The following CDH4 variants were observed in gnomAD, a reference collection of about 807,000 sequenced individuals.
CDH4 encodes the protein cadherin 4.
CDH4 carries 33 observed loss-of-function variants against 86.0 expected under a neutral mutation model. That is an observed-to-expected ratio of 0.38 (90% CI 0.29 to 0.51). The LOEUF is 0.51. Among genes scored for constraint, CDH4 ranks in the 20% least tolerant of loss-of-function variants. The probability of loss-of-function intolerance (pLI) is 0.86; values close to 1 mark genes in which losing one functional copy is unlikely to be tolerated. For missense variants in CDH4, 1,114 were observed against 1,307.4 expected, an observed-to-expected ratio of 0.85 and a Z score of 2.28; for synonymous variants, 555 against 549.4, an observed-to-expected ratio of 1.01 and a Z score of -0.14.
Position 61,289,702 on chromosome 20 carries a change from C to T in CDH4, c.169+34765C>T, listed in dbSNP as rs112398065. Among the ~76,000 whole-genome samples the T allele has an allele frequency of 6.4e-4, 89 of 139,504 alleles. No homozygotes were observed. The Middle Eastern group carries it at 0.016, about 25-fold the overall frequency. 91.5% of individuals were successfully genotyped at this position (139,504 alleles called of 152,430 possible). On this transcript the variant is annotated intron_variant, in intron 2 of 15. Coordinates refer to ENST00000614565, the MANE Select transcript of CDH4 (RefSeq NM_001794.5). ...TTGCTGGGTTTATCCCCGTATCCAA[C>T]GAGACTTGCTGGGTTTATCCCCGTA...
chr20:61,837,113 A>G (rs1037008998), intron 4 of CDH4, among the ~76,000 whole-genome samples: 5 of 152,224 alleles, frequency 3.3e-5, no homozygotes, highest in Admixed American at 2.0e-4. Context: ...GGATCACTTC[A>G]GCCCAGGAGT....
chr20:61,396,685 G>A lies in CDH4; in HGVS notation c.169+141748G>A, dbSNP rs531040980. 2.6e-5 allele frequency among the ~76,000 whole-genome samples: 4 copies of A among 152,250 alleles called. No individual in the cohort carries two copies. In the East Asian group the frequency reaches 5.8e-4, roughly 22 times the overall value. ...CTCCTCCTGTCTCCAGCGTCTCCAC[G>A]TTTCTCGGCTCACAGTTCTGGGGCC... is the stretch of plus-strand genomic sequence containing the variant. On this transcript the variant is annotated intron_variant, in intron 2 of 15. Transcript: ENST00000614565.
chr20:61,722,641 C>G (rs6061767), intron 2 of CDH4, among the ~76,000 whole-genome samples: 24,009 of 151,222 alleles, frequency 0.16, 2,763 homozygotes, highest in East Asian at 0.54. Flanking sequence ...CCCCACCCCC[C>G]ACGCATGCAC....
At chr20:61,257,975 G>T (rs2084108168) in intron 2 of CDH4, among the ~76,000 whole-genome samples, 1 of 152,196 alleles carries the variant, frequency 6.6e-6, no homozygotes, top group Admixed American at 6.5e-5. Context: ...GTTCACTGGG[G>T]ATGGGGCGGA....
At chr20:61,371,989 C>T (rs2084843524) in intron 2 of CDH4, among the ~76,000 whole-genome samples, 1 of 152,212 alleles carries the variant, frequency 6.6e-6, no homozygotes, top group Non-Finnish European at 1.5e-5. Flanking sequence ...GGGCAGGCCG[C>T]TTGTGTTTGT....
Position 61,709,305 on chromosome 20 carries a change from T to C in CDH4, c.170-34258T>C, listed in dbSNP as rs2087865163. The stretch of plus-strand genomic sequence containing the variant: ...ATTTATTTATTTTCTGAGAGCGTCT[T>C]GCTCTGTTGCCCAGGCTGTAGTGCA... On this transcript the variant is annotated intron_variant, in intron 2 of 15. Coordinates refer to ENST00000614565, the MANE Select transcript of CDH4 (RefSeq NM_001794.5). The surrounding 1 kb of genome is among the most constrained non-coding windows in gnomAD (Gnocchi z 4.8). Among the ~76,000 whole-genome samples, 1 of 152,202 alleles carries C rather than the reference T, an allele frequency of 6.6e-6. No individual in the cohort carries two copies. Among genetic ancestry groups the C allele is most frequent in the Non-Finnish European group, 1.5e-5 (1 of 68,036 alleles).
At chr20:61,538,180 A>G (rs1029547373) in intron 2 of CDH4, among the ~76,000 whole-genome samples, 12 of 152,148 alleles carry the variant, frequency 7.9e-5, no homozygotes, top group African/African-American at 2.9e-4. Flanking sequence ...TGTCTGAGAT[A>G]TGTGGTGGGC....
chr20:61,907,480 A>G (rs1162051790), intron 8 of CDH4, among the ~76,000 whole-genome samples: 3 of 152,194 alleles, frequency 2.0e-5, no homozygotes, highest in Admixed American at 2.0e-4. Flanking sequence ...CCCCCAGAAC[A>G]TATGGATCTC....
At chr20:61,870,956 T>A (rs1983777130) in intron 6 of CDH4, among the ~76,000 whole-genome samples, 1 of 152,214 alleles carries the variant, frequency 6.6e-6, no homozygotes, top group Non-Finnish European at 1.5e-5. Context: ...GCAAAGTTAT[T>A]TTTGTTTATA....
intron 9 of CDH4, among the ~76,000 whole-genome samples, chr20:61,913,419 A>G (rs1186770047): frequency 6.6e-6 from 1 of 152,236 alleles, no homozygotes; most frequent in Non-Finnish European, 1.5e-5. Context: ...GGAAGAGCAC[A>G]GCCAACTTCA....
intron 2 of CDH4, among the ~76,000 whole-genome samples, chr20:61,257,471 A>T (rs1022094537): frequency 6.6e-6 from 1 of 152,244 alleles, no homozygotes; most frequent in African/African-American, 2.4e-5. Context: ...GCCGCGAAGT[A>T]TGGAAATGCG....
chr20:61,856,291 T>C (rs1222040375), intron 6 of CDH4, among the ~76,000 whole-genome samples: 1 of 152,134 alleles, frequency 6.6e-6, no homozygotes, highest in Non-Finnish European at 1.5e-5. Flanking sequence ...CCAGAGGAAC[T>C]TCGAAGGCTT....
At chr20:61,546,083 CACGT>C (rs2086081657) in intron 2 of CDH4, among the ~76,000 whole-genome samples, 1 of 424 alleles carries the variant, frequency 2.4e-3, no homozygotes. Flanking sequence ...GGTTTGTTCA[CACGT>C]GTGTGTGTGG....
intron 2 of CDH4, among the ~76,000 whole-genome samples, chr20:61,731,478 G>T (rs1384501085): frequency 6.6e-6 from 1 of 152,140 alleles, no homozygotes; most frequent in African/African-American, 2.4e-5. Flanking sequence ...CACTGGGCAG[G>T]GCCCATAGGG....
intron 2 of CDH4, among the ~76,000 whole-genome samples, chr20:61,531,278 C>A (rs2085949403): frequency 1.3e-5 from 2 of 152,012 alleles, no homozygotes; most frequent in Admixed American, 6.5e-5. Flanking sequence ...TCAAGACCAG[C>A]CTGGCCAATG....
intron 2 of CDH4, among the ~76,000 whole-genome samples, chr20:61,546,959 G>T (rs1464773937): frequency 1.3e-5 from 2 of 152,126 alleles, no homozygotes; most frequent in Non-Finnish European, 2.9e-5. Flanking sequence ...ACAGGTGGTG[G>T]CTCAGAAAGC....
At chr20:61,287,485 A>T (rs962699602) in intron 2 of CDH4, among the ~76,000 whole-genome samples, 4 of 152,072 alleles carry the variant, frequency 2.6e-5, no homozygotes, top group African/African-American at 9.7e-5. Flanking sequence ...AAGAAGAAGA[A>T]AAAAGAGTGC....
chr20:61,883,141 C>T (rs537873955), intron 7 of CDH4, among the ~76,000 whole-genome samples: 74 of 151,142 alleles, frequency 4.9e-4, no homozygotes, highest in South Asian at 2.7e-3. Context: ...TCGCTGGCTG[C>T]TCCCCCCGCC....
In CDH4 at chr20:61,393,846, C is replaced by A. The variant is rs565631060; in HGVS notation, c.169+138909C>A. Reference sequence around the variant, plus strand: ...CACCTTCACCACCAAGACAGTTGCACCATGGGCTTCTCCTCTTCTGTAAAA... The same window carrying A: ...CACCTTCACCACCAAGACAGTTGCAACATGGGCTTCTCCTCTTCTGTAAAA... On this transcript the variant is annotated intron_variant, in intron 2 of 15. Transcript: ENST00000614565. This position sits in a 1 kb window ranked among gnomAD's most constrained non-coding sequence, Gnocchi z 4.3. Among the ~76,000 whole-genome samples, 1 of 152,130 alleles carries A rather than the reference C, an allele frequency of 6.6e-6. No homozygotes were observed. Among genetic ancestry groups the A allele is most frequent in the East Asian group, 1.9e-4 (1 of 5,176 alleles).
Sources: allele counts gnomAD v4.1 joint callset (sites outside exome capture counted in the v4.1 genomes callset), GRCh38; gene constraint gnomAD v4.1.1; non-coding constraint Gnocchi (gnomAD v3.1); transcripts MANE v1.5; gene names NCBI Gene and HGNC (gene_info 2026-07-23, HGNC 2026-07-21).